Variants in PIGN observed in about 807,000 individuals in gnomAD.
PIGN encodes GPI ethanolamine phosphate transferase 1.
PIGN carries 117 observed loss-of-function variants against 125.4 expected under a neutral mutation model. That is an observed-to-expected ratio of 0.93 (90% CI 0.80 to 1.09). The LOEUF (loss-of-function observed/expected upper bound fraction) is 1.09. Among genes scored for constraint, PIGN ranks in the 50% least tolerant of loss-of-function variants. The pLI is 0.00. For missense variants in PIGN, 1,075 were observed against 1,094.9 expected, an observed-to-expected ratio of 0.98 and a Z score of 0.26; for synonymous variants, 392 against 377.8, an observed-to-expected ratio of 1.04 and a Z score of -0.44.
chr18:62,140,114 T>C (rs1179111303), intron 12 of PIGN, among the ~76,000 whole-genome samples: 1 of 152,150 alleles, frequency 6.6e-6, no homozygotes, highest in African/African-American at 2.4e-5. Flanking sequence ...TTATAGAATA[T>C]AATACACAAG....
chr18:62,145,889 C>T lies in PIGN; in HGVS notation c.922+20G>A, dbSNP rs776817996. The T allele has an allele frequency of 1.7e-6, 2 of 1,152,944 alleles. No homozygotes were observed. Among genetic ancestry groups the T allele is most frequent in the Non-Finnish European group, 2.6e-6 (2 of 766,206 alleles). The allele number at this position is 1,152,944 out of a possible 1,614,324, so 71.4% of individuals were successfully genotyped here. A position where few individuals can be genotyped will look rare whatever the true frequency, so the allele number is the denominator to read the frequency against. ...ATTTTAAGAGGTTGTATTTATAAAC[C>T]AGTAAAGAAATGCTTGTACCTTTCA... On this transcript the variant is annotated intron_variant, in intron 10 of 30. Coordinates refer to ENST00000640252, the MANE Select transcript of PIGN (RefSeq NM_176787.5).
At position 62,136,046 on chromosome 18, in the gene PIGN, C is replaced by T. The variant is rs959603345; in HGVS notation, c.1172+2197G>A. ...TGTCTATCCTGTTCACTGCTATATC[C>T]GCAAAACACATACTAGTCAATCAAT... On this transcript the variant is annotated intron_variant, in intron 14 of 30. Transcript: ENST00000640252. 8 of 152,064 alleles carry T rather than the reference C, an allele frequency of 5.3e-5. No homozygotes were observed. In the East Asian group the frequency reaches 5.8e-4, roughly 11 times the overall value. The allele number at this position is 152,064 out of a possible 1,614,324, so 9.4% of individuals were successfully genotyped here. A position where few individuals can be genotyped will look rare whatever the true frequency, so the allele number is the denominator to read the frequency against.
intron 17 of PIGN, among the ~76,000 whole-genome samples, chr18:62,107,758 A>G (rs572650553): frequency 6.6e-6 from 1 of 152,138 alleles, no homozygotes; most frequent in Non-Finnish European, 1.5e-5. Context: ...AAACTGAAAA[A>G]TTTTTTAAAA....
At chr18:62,181,050 A>G (rs1231695052) in intron 1 of PIGN, among the ~76,000 whole-genome samples, 1 of 152,184 alleles carries the variant, frequency 6.6e-6, no homozygotes, top group Non-Finnish European at 1.5e-5. Context: ...GGTAGACATC[A>G]GCTTATGTTT....
intron 28 of PIGN, among the ~76,000 whole-genome samples, chr18:62,076,473 CT>C (rs201171169): frequency 0.022 from 3,384 of 152,264 alleles, 104 homozygotes; most frequent in African/African-American, 0.058. Flanking sequence ...TTACTAGAGT[CT>C]TTCACAGAGC....
In PIGN at chr18:62,055,659, G is replaced by T. The variant is rs974260384; in HGVS notation, c.2673-9680C>A. Among the ~76,000 whole-genome samples, 9 of 152,062 alleles carry T rather than the reference G, an allele frequency of 5.9e-5. No individual in the cohort carries two copies. In the South Asian group the frequency reaches 6.3e-4, roughly 11 times the overall value. ...ACCACTGGGGGGAAATAAGGTAGAG[G>T]GTATAGGAGATCTCTCTGTATTATT... On this transcript the variant is annotated intron_variant, in intron 30 of 30. Transcript: ENST00000640252.
At chr18:62,107,385 A>G (rs2034690974) in intron 17 of PIGN, 1 of 278,098 alleles carries the variant, frequency 3.6e-6, no homozygotes, top group Non-Finnish European at 6.9e-6. Context: ...ACCTGAGGTC[A>G]CAAGTTTGAG....
chr18:62,069,243 T>C (rs1346437567), intron 30 of PIGN: 1 of 152,192 alleles, frequency 6.6e-6, no homozygotes, highest in Non-Finnish European at 1.5e-5. Flanking sequence ...AAAGAAAATC[T>C]AAAATTCTTA....
At chr18:62,071,870 A>ATATATATATG (rs2032879362) in intron 30 of PIGN, among the ~76,000 whole-genome samples, 1 of 10,902 alleles carries the variant, frequency 9.2e-5, no homozygotes, top group African/African-American at 5.0e-4. Flanking sequence ...TTCCATATAT[A>ATATATATATG]TATATATATA....
chr18:62,159,665 T>C (rs1264970853), intron 4 of PIGN, among the ~76,000 whole-genome samples: 11 of 152,314 alleles, frequency 7.2e-5, no homozygotes, highest in African/African-American at 2.6e-4. Flanking sequence ...CTATCGTAAA[T>C]TTAGTTCTGA....
At chr18:62,095,398 G>A (rs2146200179) in intron 23 of PIGN, among the ~76,000 whole-genome samples, 1 of 151,982 alleles carries the variant, frequency 6.6e-6, no homozygotes, top group East Asian at 1.9e-4. Flanking sequence ...AAAAGTTTTG[G>A]GAAAATATTC....
chr18:62,051,731 T>A (rs1476658495), intron 30 of PIGN: 1 of 150,318 alleles, frequency 6.7e-6, no homozygotes, highest in Non-Finnish European at 1.5e-5. Context: ...AGTTATTTCT[T>A]GCCTTCTGCT....
At chr18:62,179,840 C>T (rs1486168490) in intron 1 of PIGN, among the ~76,000 whole-genome samples, 2 of 152,126 alleles carry the variant, frequency 1.3e-5, no homozygotes, top group African/African-American at 4.8e-5. Flanking sequence ...TCCTGCTTTC[C>T]CCACCTTACT....
At chr18:62,136,592 C>G (rs1025874652) in intron 14 of PIGN, 1 of 152,178 alleles carries the variant, frequency 6.6e-6, no homozygotes, top group African/African-American at 2.4e-5. Context: ...TGTGATCCGC[C>G]TGCCTCGGCC....
chr18:62,085,468 T>C (rs1157296375), intron 25 of PIGN, among the ~76,000 whole-genome samples: 1 of 152,158 alleles, frequency 6.6e-6, no homozygotes, highest in Non-Finnish European at 1.5e-5. Context: ...CCGAGAATAA[T>C]GAGGCCTGAG....
intron 30 of PIGN, among the ~76,000 whole-genome samples, chr18:62,071,739 A>G (rs1031639173): frequency 6.6e-6 from 1 of 151,752 alleles, no homozygotes; most frequent in Admixed American, 6.6e-5. Flanking sequence ...CCAGTCCTAT[A>G]AAAGTCTGGC....
chr18:62,087,057 C>T (rs663354), intron 25 of PIGN, among the ~76,000 whole-genome samples: 37,124 of 151,756 alleles, frequency 0.24, 4,683 homozygotes, highest in Non-Finnish European at 0.27. Flanking sequence ...CTCGAGGTCA[C>T]GAAAGGGGTC....
At chr18:62,057,748 TCTC>T (rs1411703222) in intron 30 of PIGN, among the ~76,000 whole-genome samples, 34 of 152,344 alleles carry the variant, frequency 2.2e-4, no homozygotes, top group African/African-American at 7.9e-4. Flanking sequence ...CTATGAATTC[TCTC>T]CTGACCATGT....
chr18:62,116,753 T>C (rs919617), intron 14 of PIGN, among the ~76,000 whole-genome samples: 151,878 of 152,300 alleles, frequency 1, 75,731 homozygotes, highest in East Asian at 1. Flanking sequence ...ATCAATAAAT[T>C]TTGAATACAA....
Sources: allele counts gnomAD v4.1 joint callset (sites outside exome capture counted in the v4.1 genomes callset), GRCh38; gene constraint gnomAD v4.1.1; transcripts MANE v1.5; gene names NCBI Gene and HGNC (gene_info 2026-07-23, HGNC 2026-07-21).